PRR5L: variants seen among roughly 807,000 people sequenced by gnomAD.
PRR5L encodes the protein proline rich 5 like.
In PRR5L, 21 loss-of-function variants were observed where a neutral mutation model predicts 36.4. The ratio of observed to expected loss-of-function variants is 0.58; its 90% CI spans 0.41 to 0.83. PRR5L has a LOEUF of 0.83. Among genes scored for constraint, PRR5L ranks in the 40% least tolerant of loss-of-function variants. The pLI is 0.00. For missense variants in PRR5L, 381 were observed against 473.3 expected, an observed-to-expected ratio of 0.80 and a Z score of 1.81; for synonymous variants, 188 against 197.0, an observed-to-expected ratio of 0.95 and a Z score of 0.38.
chr11:36,453,448 T>C lies in PRR5L; in HGVS notation c.712+2113T>C, dbSNP rs184019860. On this transcript the variant is annotated intron_variant, in intron 8 of 8. Coordinates refer to ENST00000530639, the MANE Select transcript of PRR5L (RefSeq NM_001160167.2). ...AGAATAATGCACACTTTTGCCAAATTATAAAGCAAAGACTCAAGGTTTTAT... is the reference window on the plus strand; with the variant it reads ...AGAATAATGCACACTTTTGCCAAATCATAAAGCAAAGACTCAAGGTTTTAT... 2.0e-5 allele frequency among the ~76,000 whole-genome samples: 3 copies of C among 152,326 alleles called. No homozygotes were observed. The East Asian group carries it at 5.8e-4, about 29-fold the overall frequency.
At chr11:36,400,110 C>T (rs1225001496) in intron 1 of PRR5L, among the ~76,000 whole-genome samples, 1 of 152,140 alleles carries the variant, frequency 6.6e-6, no homozygotes, top group African/African-American at 2.4e-5. Context: ...CCCTGCAGGG[C>T]GAGTTGGGTT....
chr11:36,339,554 A>G (rs1385662414), intron 1 of PRR5L, among the ~76,000 whole-genome samples: 1 of 152,252 alleles, frequency 6.6e-6, no homozygotes, highest in Non-Finnish European at 1.5e-5. Flanking sequence ...TTTCATGTAT[A>G]TCATTTCATT....
intron 1 of PRR5L, among the ~76,000 whole-genome samples, chr11:36,394,664 G>A (rs1045444557): frequency 3.1e-4 from 47 of 152,188 alleles, no homozygotes; most frequent in African/African-American, 9.9e-4. Flanking sequence ...TTCTCTATGC[G>A]TGTCTGTGTC....
intron 5 of PRR5L, among the ~76,000 whole-genome samples, chr11:36,433,695 A>T (rs529557855): frequency 6.6e-6 from 1 of 152,270 alleles, no homozygotes; most frequent in Non-Finnish European, 1.5e-5. Flanking sequence ...GATTACAGGC[A>T]CGTGCCACCA....
intron 1 of PRR5L, among the ~76,000 whole-genome samples, chr11:36,399,412 C>T (rs570861873): frequency 6.6e-6 from 1 of 152,182 alleles, no homozygotes; most frequent in Non-Finnish European, 1.5e-5. Flanking sequence ...CCTCCCGTGC[C>T]CTCTCGATGG....
At chr11:36,382,019 A>G (rs777996179) in intron 1 of PRR5L, among the ~76,000 whole-genome samples, 28 of 152,096 alleles carry the variant, frequency 1.8e-4, no homozygotes, top group Non-Finnish European at 3.4e-4. Context: ...TGAGCCGGGC[A>G]TGGTGGCGTG....
intron 1 of PRR5L, among the ~76,000 whole-genome samples, chr11:36,300,233 A>T (rs980634499): frequency 6.6e-6 from 1 of 152,154 alleles, no homozygotes; most frequent in Non-Finnish European, 1.5e-5. Context: ...CAAGCATGGC[A>T]CTTGCATCTG....
At chr11:36,370,103 T>C (rs963608932) in intron 1 of PRR5L, among the ~76,000 whole-genome samples, 2 of 152,160 alleles carry the variant, frequency 1.3e-5, no homozygotes, top group African/African-American at 4.8e-5. Flanking sequence ...ATGACCTTGC[T>C]CTGTTGCTTG....
At chr11:36,375,761 C>T (rs527259277) in intron 1 of PRR5L, among the ~76,000 whole-genome samples, 4 of 152,280 alleles carry the variant, frequency 2.6e-5, no homozygotes, top group East Asian at 3.9e-4. Flanking sequence ...TGTTGATTTT[C>T]TGTGGTTTCA....
At chr11:36,458,941 T>C (rs989497413) in intron 8 of PRR5L, among the ~76,000 whole-genome samples, 1 of 152,200 alleles carries the variant, frequency 6.6e-6, no homozygotes, top group Non-Finnish European at 1.5e-5. Context: ...GTCAGAGATA[T>C]GGGCACTGTG....
chr11:36,332,871 G>A (rs1673491967), intron 1 of PRR5L, among the ~76,000 whole-genome samples: 1 of 152,160 alleles, frequency 6.6e-6, no homozygotes, highest in African/African-American at 2.4e-5. Context: ...TATACTTCTT[G>A]TACAGCTTGC....
At chr11:36,383,640 G>A (rs892073158) in intron 1 of PRR5L, among the ~76,000 whole-genome samples, 1 of 151,162 alleles carries the variant, frequency 6.6e-6, no homozygotes, top group Non-Finnish European at 1.5e-5. Context: ...TCGGTCTGCT[G>A]TAAGCATTGT....
chr11:36,454,269 T>C (rs1043869460), intron 8 of PRR5L, among the ~76,000 whole-genome samples: 15 of 152,096 alleles, frequency 9.9e-5, no homozygotes, highest in Non-Finnish European at 1.8e-4. Context: ...AGAGGGATCC[T>C]AAGCCAGACA....
chr11:36,374,741 G>T (rs958811721), intron 1 of PRR5L, among the ~76,000 whole-genome samples: 11 of 152,142 alleles, frequency 7.2e-5, no homozygotes, highest in Admixed American at 2.0e-4. Flanking sequence ...AATCCTCATA[G>T]CCACCCTAAG....
chr11:36,451,364 G>A (rs1392185861), intron 8 of PRR5L, 29 bp downstream of exon 8: 3 of 1,612,738 alleles, frequency 1.9e-6, no homozygotes, highest in East Asian at 2.2e-5. Context: ...AAGTTGTCAA[G>A]AGGCCCAGTG....
At chr11:36,458,470 G>GA (rs1176822679) in intron 8 of PRR5L, among the ~76,000 whole-genome samples, 2 of 152,132 alleles carry the variant, frequency 1.3e-5, no homozygotes, top group Non-Finnish European at 2.9e-5. Flanking sequence ...CTTTGATTTT[G>GA]AAAAATTGTT....
intron 1 of PRR5L, chr11:36,376,371 AGGAG>A: frequency 1.0e-6 from 1 of 1,002,988 alleles, no homozygotes; most frequent in Non-Finnish European, 1.3e-6. Context: ...GAGGAGGAGG[AGGAG>A]GCGGCCGTAA....
At chr11:36,298,014 T>C (rs1856331553) in intron 1 of PRR5L, among the ~76,000 whole-genome samples, 2 of 152,228 alleles carry the variant, frequency 1.3e-5, no homozygotes, top group South Asian at 4.1e-4. Flanking sequence ...TCTTTCTCTC[T>C]AGGCACAATC....
intron 3 of PRR5L, among the ~76,000 whole-genome samples, chr11:36,404,010 G>A (rs1857855885): frequency 6.6e-6 from 1 of 152,216 alleles, no homozygotes; most frequent in African/African-American, 2.4e-5. Context: ...AATGGTGGAT[G>A]TGATGCTGCT....
Sources: allele counts gnomAD v4.1 joint callset (sites outside exome capture counted in the v4.1 genomes callset), GRCh38; gene constraint gnomAD v4.1.1; transcripts MANE v1.5; gene names NCBI Gene and HGNC (gene_info 2026-07-23, HGNC 2026-07-21).